NAV3: variants seen among roughly 807,000 people sequenced by gnomAD.
NAV3 encodes the protein pore membrane and/or filament interacting like protein 1.
In NAV3, 87 loss-of-function variants were observed where a neutral mutation model predicts 244.7. That is an observed-to-expected ratio of 0.36 (90% CI 0.30 to 0.42). The LOEUF (loss-of-function observed/expected upper bound fraction) is 0.42, where lower values mean the gene tolerates loss of function less well. Ranked by LOEUF, NAV3 falls within the 20% of genes least tolerant of loss-of-function variation. NAV3 has a pLI of 1.00. For synonymous variants in NAV3, 1,126 were observed against 1,042.2 expected (o/e 1.08, Z -1.55); for missense variants, 2,663 against 2,893.3 (o/e 0.92, Z 1.83).
At chr12:78,146,133 G>A (rs1956854070) in intron 20 of NAV3, among the ~76,000 whole-genome samples, 1 of 151,760 alleles carries the variant, frequency 6.6e-6, no homozygotes. Context: ...GAATATTATG[G>A]ATCAAATGAC....
intron 1 of NAV3, among the ~76,000 whole-genome samples, chr12:77,904,888 G>T (rs1387078616): frequency 1.3e-5 from 2 of 151,610 alleles, no homozygotes; most frequent in Non-Finnish European, 2.9e-5. Flanking sequence ...TGTCAGAGTT[G>T]GTGTTTGCTT....
chr12:78,126,130 CA>C (rs1955896411), intron 16 of NAV3, among the ~76,000 whole-genome samples: 1 of 152,190 alleles, frequency 6.6e-6, no homozygotes, highest in Non-Finnish European at 1.5e-5. Context: ...AATTACCTTA[CA>C]TGGCTATTAC....
intron 1 of NAV3, among the ~76,000 whole-genome samples, chr12:77,922,556 C>T (rs1322185366): frequency 6.6e-6 from 1 of 152,128 alleles, no homozygotes; most frequent in Non-Finnish European, 1.5e-5. Context: ...ACAGGCCACT[C>T]CAAAGTGCCT....
rs2139652107 is a variant in NAV3, at chr12:78,175,433, T to A, written c.5103+6T>A. On this transcript the variant is annotated splice_donor_region_variant and intron_variant, in intron 25 of 39. Coordinates refer to ENST00000397909, the MANE Select transcript of NAV3 (RefSeq NM_001024383.2). ...AGAAGAAAAAGAAAAACTGGGTAAG[T>A]TACCATCCTTCATCTAATTCAGAAG... 6.2e-7 allele frequency: 1 copy of A among 1,607,678 alleles called. No homozygotes were observed. The highest frequency in any genetic ancestry group is 8.5e-7 in the Non-Finnish European group (1 of 1,177,268).
intron 30 of NAV3, among the ~76,000 whole-genome samples, chr12:78,181,455 G>A (rs1049384212): frequency 6.6e-6 from 1 of 152,028 alleles, no homozygotes; most frequent in Non-Finnish European, 1.5e-5. Context: ...CCTGTGTGAT[G>A]CTGCTCTGAG....
At chr12:77,819,900 G>T (rs1355199231) in intron 2 of NAV3, among the ~76,000 whole-genome samples, 1 of 152,138 alleles carries the variant, frequency 6.6e-6, no homozygotes, top group Non-Finnish European at 1.5e-5. Context: ...ATGCAAGAAA[G>T]AGCTCGGCAA....
chr12:77,622,284 C>T lies in NAV3; in HGVS notation c.72+50018C>T, dbSNP rs564479675. ...ATGCCGTTCTCCTGCCTCAGCCTCC[C>T]GAGTAGCTGGGACTACAGGTGCCCG... On this transcript the variant is annotated intron_variant, in intron 2 of 8. Coordinates refer to the NAV3 transcript ENST00000550042. 1.5e-3 allele frequency among the ~76,000 whole-genome samples: 226 copies of T among 152,110 alleles called. 1 individual carries two copies. The highest frequency in any genetic ancestry group is 4.5e-3 in the African/African-American group (188 of 41,494).
chr12:78,175,482 G>C (rs2139653920), intron 25 of NAV3, 55 bp downstream of exon 25: 2 of 1,582,662 alleles, frequency 1.3e-6, no homozygotes, highest in Non-Finnish European at 1.7e-6. Flanking sequence ...AATGTGTTAG[G>C]CCTTTTTCTT....
chr12:78,119,531 C>A lies in NAV3; in HGVS notation c.3335C>A (p.Thr1112Asn), dbSNP rs2138616504. The A allele has an allele frequency of 1.2e-6, 2 of 1,614,106 alleles. No individual in the cohort carries two copies. The highest frequency in any genetic ancestry group is 1.7e-6 in the Non-Finnish European group (2 of 1,180,030). ...GGGAAGTCAAATGCAGGGAGAAAAA[C>A]CAGTTTGGACGGTTCACAGAATCAG... ...IGGKSNAGRK[T>N]SLDGSQNQDD... The change falls in exon 15 of 40, where the codon ACC becomes AAC. Residue 1112 changes from threonine (T) to asparagine (N), a missense_variant. Physicochemically the swap from Thr to Asn is moderately conservative, Grantham distance 65. Transcript: ENST00000397909.
chr12:77,992,191 A>G (rs889090773), intron 5 of NAV3, among the ~76,000 whole-genome samples: 2 of 152,168 alleles, frequency 1.3e-5, no homozygotes, highest in Non-Finnish European at 2.9e-5. Flanking sequence ...ACAAGCCTAG[A>G]TACATTCATT....
intron 5 of NAV3, among the ~76,000 whole-genome samples, chr12:77,985,479 A>G (rs932075583): frequency 1.3e-5 from 2 of 152,204 alleles, no homozygotes; most frequent in African/African-American, 2.4e-5. Context: ...TTAGAATAAC[A>G]TCAGTGATGG....
rs1216495153 is a variant in NAV3, at chr12:77,658,064, C to G, written c.72+85798C>G. On this transcript the variant is annotated intron_variant, in intron 2 of 8. Coordinates refer to the NAV3 transcript ENST00000550042. Reference sequence around the variant, plus strand: ...AACTGGCACAAGACAGGGATGCCCTCTCTCACCACTCCTATTCAACATAGT... The same window carrying G: ...AACTGGCACAAGACAGGGATGCCCTGTCTCACCACTCCTATTCAACATAGT... Among the ~76,000 whole-genome samples the G allele has an allele frequency of 1.1e-3, 168 of 150,766 alleles. 1 individual carries two copies. Among genetic ancestry groups the G allele is most frequent in the African/African-American group, 3.5e-3 (146 of 41,442 alleles).
At chr12:78,132,679 A>G (rs886783272) in intron 18 of NAV3, among the ~76,000 whole-genome samples, 1 of 152,008 alleles carries the variant, frequency 6.6e-6, no homozygotes, top group Non-Finnish European at 1.5e-5. Flanking sequence ...TTTCCTGTAG[A>G]CTTTTTTTTA....
chr12:77,650,805 C>T (rs1872788680), intron 2 of NAV3, among the ~76,000 whole-genome samples: 1 of 151,962 alleles, frequency 6.6e-6, no homozygotes, highest in Admixed American at 6.6e-5. Flanking sequence ...CTAAAACAGA[C>T]TTATGAAGAT....
intron 3 of NAV3, among the ~76,000 whole-genome samples, chr12:77,942,434 A>G (rs1889968320): frequency 6.6e-6 from 1 of 151,920 alleles, no homozygotes; most frequent in Non-Finnish European, 1.5e-5. Context: ...ATAAAAAATA[A>G]TTACTCCCAG....
In NAV3 at chr12:78,148,403, GA is replaced by G. The variant is rs556868126; in HGVS notation, c.4708-430del. ...CTATGAGAAATTAAAATGTACAGAG[GA>G]AAAAAAAACCTAAGATTTTCTGAAA... On this transcript the variant is annotated intron_variant, in intron 21 of 39. Transcript: ENST00000397909. 3.2e-4 allele frequency among the ~76,000 whole-genome samples: 48 copies of G among 148,430 alleles called. No individual in the cohort carries two copies. The South Asian group carries it at 9.3e-3, about 29-fold the overall frequency.
In NAV3 at chr12:78,056,711, G is replaced by C. The variant is rs569096837; in HGVS notation, c.2517-2285G>C. Among the ~76,000 whole-genome samples, 3 of 152,184 alleles carry C rather than the reference G, an allele frequency of 2.0e-5. No individual in the cohort carries two copies. The South Asian group carries it at 6.2e-4, about 32-fold the overall frequency. ...ACCACTGCACCCCAGCCTGGGTAAC[G>C]GAGTGAGACTCTATCTCAAAAAAAA... On this transcript the variant is annotated intron_variant, in intron 11 of 39. Transcript: ENST00000397909.
chr12:77,960,345 T>A (rs906218420), intron 3 of NAV3, among the ~76,000 whole-genome samples: 15 of 151,870 alleles, frequency 9.9e-5, no homozygotes, highest in African/African-American at 3.6e-4. Context: ...CAGCAATTGT[T>A]TATAGATCAC....
At chr12:77,686,282 G>A (rs1268593294) in intron 2 of NAV3, among the ~76,000 whole-genome samples, 2 of 151,910 alleles carry the variant, frequency 1.3e-5, no homozygotes, top group African/African-American at 4.8e-5. Context: ...TGGTAGAGAC[G>A]GGGTTTCACC....
Sources: gnomAD v4.1 joint callset for allele counts (sites outside exome capture counted in the v4.1 genomes callset) on GRCh38, gnomAD v4.1.1 for gene constraint, MANE v1.5 for transcripts, NCBI Gene and HGNC (gene_info 2026-07-23, HGNC 2026-07-21) for gene names.